The following GPR158 variants were observed in gnomAD, a reference collection of about 807,000 sequenced individuals.
The protein encoded by GPR158 is metabotropic glycine receptor.
GPR158 carries 30 observed loss-of-function variants against 78.2 expected under a neutral mutation model. The ratio of observed to expected loss-of-function variants is 0.38; its 90% CI spans 0.29 to 0.52. The LOEUF (loss-of-function observed/expected upper bound fraction) is 0.52. GPR158 is among the 20% of genes least tolerant of loss of function. The probability of loss-of-function intolerance (pLI) is 0.83; values close to 1 mark genes in which losing one functional copy is unlikely to be tolerated. For missense variants in GPR158, 1,463 were observed against 1,523.5 expected (o/e 0.96, Z 0.66); for synonymous variants, 581 against 591.1 (o/e 0.98, Z 0.25).
At chr10:25,487,018 T>G (rs1414462037) in intron 5 of GPR158, among the ~76,000 whole-genome samples, 1 of 152,160 alleles carries the variant, frequency 6.6e-6, no homozygotes, top group Non-Finnish European at 1.5e-5. Flanking sequence ...GGCTAGTCCC[T>G]CTTGGTATGT....
intron 9 of GPR158, 136 bp from the exon 10 acceptor site, chr10:25,596,507 C>CTATCTATATA (rs1251275762): frequency 1.9e-5 from 11 of 591,884 alleles, no homozygotes; most frequent in African/African-American, 7.6e-5. Context: ...ATCTATCTAT[C>CTATCTATATA]TATATATATA....
chr10:25,448,796 T>G, intron 4 of GPR158, among the ~76,000 whole-genome samples: 1 of 152,228 alleles, frequency 6.6e-6, no homozygotes, highest in East Asian at 1.9e-4. Flanking sequence ...TCTTTTTAAT[T>G]TTAACAATTC....
Position 25,264,804 on chromosome 10 carries a change from T to A in GPR158, c.1008+43647T>A, listed in dbSNP as rs60511418. ...ATGTTATTGAAACTTGTCACAGTGG[T>A]ACCTAAAAGAGTACCTTTTCCAGTT... is the stretch of plus-strand genomic sequence containing the variant. On this transcript the variant is annotated intron_variant, in intron 2 of 10. Transcript: ENST00000376351. 7.6e-3 allele frequency among the ~76,000 whole-genome samples: 1,162 copies of A among 152,326 alleles called. 14 individuals are homozygous for A. Among genetic ancestry groups the A allele is most frequent in the African/African-American group, 0.027 (1,113 of 41,574 alleles).
chr10:25,355,616 A>G (rs540805609), intron 2 of GPR158, among the ~76,000 whole-genome samples: 12 of 152,132 alleles, frequency 7.9e-5, no homozygotes, highest in Admixed American at 5.2e-4. Context: ...TATTCATTCC[A>G]GTTTTCTGTG....
chr10:25,352,230 C>T (rs1040712166), intron 2 of GPR158, among the ~76,000 whole-genome samples: 4 of 151,938 alleles, frequency 2.6e-5, no homozygotes, highest in Non-Finnish European at 2.9e-5. Context: ...TAGTGAAACC[C>T]GTAGTGATAA....
At chr10:25,338,475 GTA>G (rs1491586960) in intron 2 of GPR158, among the ~76,000 whole-genome samples, 7 of 126,158 alleles carry the variant, frequency 5.5e-5, no homozygotes, top group African/African-American at 2.4e-4. Flanking sequence ...TATATTATAC[GTA>G]TAATATACGT....
intron 2 of GPR158, among the ~76,000 whole-genome samples, chr10:25,232,976 T>C (rs567626287): frequency 5.3e-5 from 8 of 152,190 alleles, no homozygotes; most frequent in African/African-American, 9.6e-5. Flanking sequence ...CAAAAGACCA[T>C]TGAAAACAGA....
intron 2 of GPR158, among the ~76,000 whole-genome samples, chr10:25,336,842 C>T (rs996969460): frequency 1.3e-5 from 2 of 152,074 alleles, no homozygotes; most frequent in African/African-American, 4.8e-5. Context: ...AACCTTGGAA[C>T]TGTCAACCTC....
intron 2 of GPR158, among the ~76,000 whole-genome samples, chr10:25,267,299 A>G (rs545265463): frequency 6.6e-6 from 1 of 152,286 alleles, no homozygotes; most frequent in Admixed American, 6.5e-5. Context: ...TGGAAGGGGA[A>G]GCAAACATGC....
intron 5 of GPR158, among the ~76,000 whole-genome samples, chr10:25,514,985 A>G (rs1004805719): frequency 3.3e-5 from 5 of 152,074 alleles, no homozygotes; most frequent in African/African-American, 1.2e-4. Context: ...CCTAATGACT[A>G]TGTGCCTAGG....
At chr10:25,474,848 G>T (rs867487983) in intron 5 of GPR158, among the ~76,000 whole-genome samples, 4 of 152,078 alleles carry the variant, frequency 2.6e-5, no homozygotes, top group Non-Finnish European at 4.4e-5. Flanking sequence ...CTGCTTGATT[G>T]TGGAAGACTA....
chr10:25,430,920 C>T (rs1834893618), intron 4 of GPR158, among the ~76,000 whole-genome samples: 1 of 150,694 alleles, frequency 6.6e-6, no homozygotes, highest in Non-Finnish European at 1.5e-5. Flanking sequence ...TAGAAGAAAA[C>T]CTAGGCAATA....
intron 5 of GPR158, among the ~76,000 whole-genome samples, chr10:25,501,484 C>T (rs1019840479): frequency 5.9e-5 from 9 of 152,192 alleles, no homozygotes; most frequent in African/African-American, 2.2e-4. Flanking sequence ...TGCACTAAGG[C>T]AGGCTCATGT....
intron 5 of GPR158, among the ~76,000 whole-genome samples, chr10:25,521,914 A>G (rs1481978888): frequency 1.3e-5 from 2 of 152,338 alleles, no homozygotes; most frequent in East Asian, 3.9e-4. Flanking sequence ...TAAGAAGATG[A>G]TAATTTTTCA....
intron 4 of GPR158, among the ~76,000 whole-genome samples, chr10:25,421,970 C>A (rs890689675): frequency 6.6e-6 from 1 of 152,234 alleles, no homozygotes. Flanking sequence ...ACTATTGGAC[C>A]TTTCTAACTG....
Position 25,440,949 on chromosome 10 carries a change from C to T in GPR158, c.1336-25702C>T, listed in dbSNP as rs144065899. ...TTTAAAATAGATTAGAGGTAGGACT[C>T]ATAGTCTCATTTCTAAAATATTTGG... is the stretch of plus-strand genomic sequence containing the variant. On this transcript the variant is annotated intron_variant, in intron 4 of 10. Transcript: ENST00000376351. Among the ~76,000 whole-genome samples the T allele has an allele frequency of 5.3e-3, 806 of 152,162 alleles. 11 individuals carry two copies. The highest frequency in any genetic ancestry group is 0.019 in the African/African-American group (779 of 41,520).
chr10:25,301,780 G>C (rs1455689419), intron 2 of GPR158, among the ~76,000 whole-genome samples: 1 of 151,994 alleles, frequency 6.6e-6, no homozygotes, highest in Non-Finnish European at 1.5e-5. Flanking sequence ...TACATATTAA[G>C]GTCAACTACT....
intron 5 of GPR158, among the ~76,000 whole-genome samples, chr10:25,479,544 A>G (rs1835634645): frequency 6.6e-6 from 1 of 151,968 alleles, no homozygotes; most frequent in Admixed American, 6.6e-5. Flanking sequence ...CCTCCCAAGT[A>G]GCTGGGATTA....
intron 2 of GPR158, among the ~76,000 whole-genome samples, chr10:25,241,169 CTTT>C (rs1564399352): frequency 0.01 from 1,135 of 109,762 alleles, 12 homozygotes; most frequent in East Asian, 0.041. Context: ...TTCTTTCTTT[CTTT>C]CTTTCTTTCT....
Sources: gnomAD v4.1 joint callset for allele counts (sites outside exome capture counted in the v4.1 genomes callset) on GRCh38, gnomAD v4.1.1 for gene constraint, MANE v1.5 for transcripts, NCBI Gene and HGNC (gene_info 2026-07-23, HGNC 2026-07-21) for gene names.